The following SLC44A1 variants were observed in gnomAD, a reference collection of about 807,000 sequenced individuals.
SLC44A1 encodes solute carrier family 44 member 1, also known as choline transporter-like protein 1.
SLC44A1 carries 26 observed loss-of-function variants against 79.3 expected under a neutral mutation model. The ratio of observed to expected loss-of-function variants is 0.33; its 90% CI spans 0.24 to 0.46. The LOEUF (loss-of-function observed/expected upper bound fraction) is 0.46. Ranked by LOEUF, SLC44A1 falls within the 20% of genes least tolerant of loss-of-function variation. The pLI is 1.00. For synonymous variants in SLC44A1, 263 were observed against 286.2 expected (o/e 0.92, Z 0.82); for missense variants, 688 against 798.1 (o/e 0.86, Z 1.66).
At chr9:105,381,811 C>G (rs756404777) in intron 13 of SLC44A1, among the ~76,000 whole-genome samples, 7 of 152,130 alleles carry the variant, frequency 4.6e-5, no homozygotes, top group Non-Finnish European at 8.8e-5. Context: ...AATGTATCAT[C>G]TAATGCATTT....
Position 105,392,106 on chromosome 9 carries a change from A to G in SLC44A1, c.*3050A>G. On this transcript the variant is annotated 3_prime_UTR_variant, in exon 16 of 16. Coordinates refer to ENST00000374720, the MANE Select transcript of SLC44A1 (RefSeq NM_080546.5). ...AGAGGCTTACCAGTGCATTAGTAAT[A>G]AAACATTAGCAATTTAGCTAGAGCA... 2.0e-6 allele frequency: 2 copies of G among 985,434 alleles called. No individual in the cohort carries two copies. Among genetic ancestry groups the G allele is most frequent in the Non-Finnish European group, 2.4e-6 (2 of 829,906 alleles). 61.0% of individuals were successfully genotyped at this position (985,434 alleles called of 1,614,324 possible).
Position 105,392,964 on chromosome 9 carries a change from A to AC in SLC44A1, c.*3908_*3909insC, listed in dbSNP as rs961275723. On this transcript the variant is annotated 3_prime_UTR_variant, in exon 16 of 16. Transcript: ENST00000374720. ...CTTTTCTACTGCTACTTTAAAAAAA[A>AC]AACAACAACAACAAATAAAACTCTC... The AC allele has an allele frequency of 7.4e-5, 71 of 963,298 alleles. No individual in the cohort carries two copies. The Middle Eastern group carries it at 1.6e-3, about 22-fold the overall frequency. The allele number at this position is 963,298 out of a possible 1,614,324, so 59.7% of individuals were successfully genotyped here.
intron 15 of SLC44A1, chr9:105,386,463 T>C: frequency 6.1e-6 from 6 of 981,588 alleles, no homozygotes; most frequent in Non-Finnish European, 7.3e-6. Flanking sequence ...CTTTACACTT[T>C]AGTAAATGAT....
intron 2 of SLC44A1, among the ~76,000 whole-genome samples, chr9:105,301,862 C>T (rs886836265): frequency 5.3e-5 from 8 of 152,204 alleles, no homozygotes; most frequent in African/African-American, 7.2e-5. Flanking sequence ...GCTTCTCTTA[C>T]AGATTATTTC....
intron 15 of SLC44A1, among the ~76,000 whole-genome samples, chr9:105,422,266 G>T (rs1342642179): frequency 2.0e-5 from 3 of 149,238 alleles, no homozygotes; most frequent in Non-Finnish European, 4.4e-5. Flanking sequence ...CTGACCTTGG[G>T]CCTCCTGCTC....
intron 4 of SLC44A1, among the ~76,000 whole-genome samples, chr9:105,347,530 C>G: frequency 6.6e-6 from 1 of 151,778 alleles, no homozygotes; most frequent in East Asian, 1.9e-4. Context: ...ATTATCTATA[C>G]TAAGGAAATC....
intron 4 of SLC44A1, among the ~76,000 whole-genome samples, chr9:105,346,901 A>G (rs1215422596): frequency 1.3e-5 from 2 of 152,094 alleles, no homozygotes; most frequent in East Asian, 1.9e-4. Flanking sequence ...TTGTCAGATT[A>G]CTCAGATTAT....
chr9:105,370,757 A>G (rs1047658657), intron 12 of SLC44A1, among the ~76,000 whole-genome samples: 2 of 152,238 alleles, frequency 1.3e-5, no homozygotes, highest in Admixed American at 1.3e-4. Context: ...CTTCCGTCTC[A>G]AGGAAATTCA....
rs34980884 is a variant in SLC44A1, at chr9:105,393,446, CT to C, written c.*4395del. On this transcript the variant is annotated 3_prime_UTR_variant, in exon 16 of 16. Transcript: ENST00000374720. Reference sequence around the variant, plus strand: ...ACAGTTATGAATTTAGAATAGCACACTTTTTCCATTCAGATTTCATACATTT... The same window carrying C: ...ACAGTTATGAATTTAGAATAGCACACTTTTCCATTCAGATTTCATACATTT... 19 of 984,266 alleles carry C rather than the reference CT, an allele frequency of 1.9e-5. No homozygotes were observed. Among genetic ancestry groups the C allele is most frequent in the Non-Finnish European group, 2.1e-5 (17 of 829,040 alleles). The allele number at this position is 984,266 out of a possible 1,614,324, so 61.0% of individuals were successfully genotyped here. A position where few individuals can be genotyped will look rare whatever the true frequency, so the allele number is the denominator to read the frequency against.
At chr9:105,358,158 A>G (rs1264636744) in intron 6 of SLC44A1, among the ~76,000 whole-genome samples, 186 bp from the exon 7 acceptor site, 7 of 152,142 alleles carry the variant, frequency 4.6e-5, no homozygotes, top group Non-Finnish European at 8.8e-5. Flanking sequence ...GTTTCGAGTG[A>G]TGCTATTTAA....
intron 15 of SLC44A1, among the ~76,000 whole-genome samples, chr9:105,430,185 G>T (rs1353906928): frequency 6.6e-6 from 1 of 152,118 alleles, no homozygotes; most frequent in Admixed American, 6.5e-5. Context: ...GAGCCACCAC[G>T]CCTGGCCTAA....
rs1477598861 is a variant in SLC44A1, at chr9:105,299,500, A to G, written c.126+191A>G. On this transcript the variant is annotated intron_variant, in intron 2 of 15. Transcript: ENST00000374720. Reference sequence around the variant, plus strand: ...AAGGAGCAGCTGGGACTCATATGCCATTCAATAGACCATTTCAGAAAGCAA... The same window carrying G: ...AAGGAGCAGCTGGGACTCATATGCCGTTCAATAGACCATTTCAGAAAGCAA... 2.0e-5 allele frequency among the ~76,000 whole-genome samples: 3 copies of G among 152,254 alleles called. No individual in the cohort carries two copies. The East Asian group carries it at 5.8e-4, about 29-fold the overall frequency.
At chr9:105,272,983 G>T (rs1191073937) in intron 1 of SLC44A1, among the ~76,000 whole-genome samples, 1 of 150,852 alleles carries the variant, frequency 6.6e-6, no homozygotes, top group Non-Finnish European at 1.5e-5. Context: ...ATATATGTAT[G>T]TATATATAAT....
At chr9:105,333,882 G>T (rs1826830116) in intron 3 of SLC44A1, among the ~76,000 whole-genome samples, 1 of 152,134 alleles carries the variant, frequency 6.6e-6, no homozygotes, top group Non-Finnish European at 1.5e-5. Flanking sequence ...TAGTGGTGGT[G>T]GTGGTGGTAG....
chr9:105,391,249 A>G lies in SLC44A1; in HGVS notation c.*2193A>G, dbSNP rs915894752. ...CTGCTCCCTGTTCCATATGCTCGCAATCTCAGCTATTTGGAAGCTACCAGG... is the reference window on the plus strand; with the variant it reads ...CTGCTCCCTGTTCCATATGCTCGCAGTCTCAGCTATTTGGAAGCTACCAGG... On this transcript the variant is annotated 3_prime_UTR_variant, in exon 16 of 16. Transcript: ENST00000374720. The G allele has an allele frequency of 1.0e-6, 1 of 985,680 alleles. No individual in the cohort carries two copies. The highest frequency in any genetic ancestry group is 1.2e-6 in the Non-Finnish European group (1 of 829,916). The allele number at this position is 985,680 out of a possible 1,614,324, so 61.1% of individuals were successfully genotyped here. A position where few individuals can be genotyped will look rare whatever the true frequency, so the allele number is the denominator to read the frequency against.
chr9:105,418,148 A>G (rs1272095983), intron 15 of SLC44A1, among the ~76,000 whole-genome samples: 1 of 151,932 alleles, frequency 6.6e-6, no homozygotes, highest in Non-Finnish European at 1.5e-5. Flanking sequence ...CTCCATCTCT[A>G]CTAAAAATAC....
intron 15 of SLC44A1, among the ~76,000 whole-genome samples, chr9:105,403,370 T>C (rs2812316): frequency 0.78 from 118,877 of 151,738 alleles, 48,058 homozygotes; most frequent in East Asian, 1. Flanking sequence ...AATTGGGATT[T>C]GGGGATGCTA....
In SLC44A1 at chr9:105,335,626, A is replaced by G. The variant is rs941349616; in HGVS notation, c.333A>G (p.Ala111=). ...TAAACCGGAAGATTAAGTCTGTAGC[A>G]CTGTGTGTAGCAGCGTGTCCAAGGC... is the stretch of plus-strand genomic sequence containing the variant. ...DLINRKIKSV[A]LCVAACPRQE... is the part of the protein sequence containing the mutation. The change falls in exon 4 of 16, where the codon GCA becomes GCG. Residue 111 remains alanine (A), a synonymous_variant. Coordinates refer to ENST00000374720, the MANE Select transcript of SLC44A1 (RefSeq NM_080546.5). The G allele has an allele frequency of 2.0e-5, 32 of 1,613,598 alleles. 1 individual carries two copies. Among genetic ancestry groups the G allele is most frequent in the East Asian group, 6.7e-5 (3 of 44,892 alleles).
intron 3 of SLC44A1, among the ~76,000 whole-genome samples, chr9:105,321,937 G>T (rs1826406836): frequency 6.6e-6 from 1 of 152,110 alleles, no homozygotes; most frequent in Non-Finnish European, 1.5e-5. Context: ...ATCCCAGTAG[G>T]ATGTGCATTG....
Sources: allele counts gnomAD v4.1 joint callset (sites outside exome capture counted in the v4.1 genomes callset), GRCh38; gene constraint gnomAD v4.1.1; transcripts MANE v1.5; gene names NCBI Gene and HGNC (gene_info 2026-07-23, HGNC 2026-07-21).